The following SIPA1L2 variants were observed in gnomAD, a reference collection of about 807,000 sequenced individuals.
SIPA1L2 encodes signal induced proliferation associated 1 like 2.
A neutral mutation model predicts 163.9 loss-of-function variants in SIPA1L2; 56 were observed. That is an observed-to-expected ratio of 0.34 (90% CI 0.28 to 0.43). The LOEUF (loss-of-function observed/expected upper bound fraction) is 0.43, where lower values mean the gene tolerates loss of function less well. SIPA1L2 is among the 20% of genes least tolerant of loss of function. The pLI, the probability that SIPA1L2 is intolerant of heterozygous loss-of-function variation, is 1.00. For missense variants in SIPA1L2, 1,974 were observed against 2,193.5 expected (o/e 0.90, Z 2.00); for synonymous variants, 877 against 865.7 (o/e 1.01, Z -0.23).
intron 2 of SIPA1L2, among the ~76,000 whole-genome samples, chr1:232,537,832 C>G (rs911559675): frequency 2.6e-5 from 4 of 152,328 alleles, no homozygotes; most frequent in Middle Eastern, 6.8e-3. Flanking sequence ...GCCTCCCATA[C>G]GCAAATGTGT....
rs114298101 is a variant in SIPA1L2, at chr1:232,486,956, C to A, written c.1807-2990G>T. ...GACCAAGGCTTCATTAAATCTCAAG[C>A]TAAGCCTAACATTTAAGTCTATTGC... On this transcript the variant is annotated intron_variant, in intron 5 of 22. Transcript: ENST00000674635. Among the ~76,000 whole-genome samples, 1,120 of 152,344 alleles carry A rather than the reference C, an allele frequency of 7.4e-3. 15 individuals carry two copies. The highest frequency in any genetic ancestry group is 0.025 in the African/African-American group (1,053 of 41,568).
At chr1:232,433,111 T>C (rs532058433) in intron 15 of SIPA1L2, among the ~76,000 whole-genome samples, 1 of 152,262 alleles carries the variant, frequency 6.6e-6, no homozygotes, top group Non-Finnish European at 1.5e-5. Context: ...CAATGTTGAT[T>C]AGAAGCACTG....
chr1:232,405,526 C>T (rs962353517), intron 19 of SIPA1L2, among the ~76,000 whole-genome samples: 7 of 152,208 alleles, frequency 4.6e-5, no homozygotes, highest in Admixed American at 3.3e-4. Flanking sequence ...GGGGCAGAAT[C>T]CTGGCTGGGC....
At chr1:232,489,206 T>C (rs1665801537) in intron 5 of SIPA1L2, among the ~76,000 whole-genome samples, 2 of 152,164 alleles carry the variant, frequency 1.3e-5, no homozygotes, top group Non-Finnish European at 2.9e-5. Context: ...AAGAACTACC[T>C]ACCACATGGG....
chr1:232,580,380 T>C (rs1660311075), intron 1 of SIPA1L2, among the ~76,000 whole-genome samples: 1 of 152,208 alleles, frequency 6.6e-6, no homozygotes, highest in African/African-American at 2.4e-5. Context: ...CTTTGTGACC[T>C]ATATCTTGCG....
At chr1:232,578,525 TCTA>T (rs1385413847) in intron 1 of SIPA1L2, among the ~76,000 whole-genome samples, 1 of 152,236 alleles carries the variant, frequency 6.6e-6, no homozygotes, top group East Asian at 1.9e-4. Context: ...AAGGAAGCTT[TCTA>T]CTCTCATCTA....
chr1:232,479,829 C>T, intron 6 of SIPA1L2, 99 bp from the exon 7 acceptor site: 1 of 997,450 alleles, frequency 1.0e-6, no homozygotes, highest in African/African-American at 1.6e-5. Context: ...AAACAAAAAA[C>T]ACCAAGCTCT....
At chr1:232,520,135 TAC>T (rs1667397650) in intron 2 of SIPA1L2, among the ~76,000 whole-genome samples, 1 of 152,234 alleles carries the variant, frequency 6.6e-6, no homozygotes, top group Non-Finnish European at 1.5e-5. Flanking sequence ...TTTGTCTACA[TAC>T]AGTTTTCTTT....
chr1:232,553,452 G>A (rs142171077), intron 2 of SIPA1L2, among the ~76,000 whole-genome samples: 1,585 of 152,244 alleles, frequency 0.01, 4 homozygotes, highest in Non-Finnish European at 0.018. Flanking sequence ...ACTTAGGGCC[G>A]TGGATTTCCA....
At chr1:232,599,477 A>G (rs1412767381) in intron 1 of SIPA1L2, among the ~76,000 whole-genome samples, 1 of 152,238 alleles carries the variant, frequency 6.6e-6, no homozygotes, top group Non-Finnish European at 1.5e-5. Flanking sequence ...AAGTTGCATC[A>G]TCTTCTGTAC....
intron 1 of SIPA1L2, among the ~76,000 whole-genome samples, chr1:232,624,339 A>C (rs1662966236): frequency 6.6e-6 from 1 of 152,262 alleles, no homozygotes; most frequent in African/African-American, 2.4e-5. Flanking sequence ...TTCAATACGG[A>C]GAGGACAGTA....
chr1:232,576,026 G>A (rs1164737310), intron 1 of SIPA1L2, among the ~76,000 whole-genome samples: 3 of 152,170 alleles, frequency 2.0e-5, no homozygotes, highest in African/African-American at 4.8e-5. Context: ...TTGGGGTGAG[G>A]GGAAATGGGG....
intron 1 of SIPA1L2, among the ~76,000 whole-genome samples, chr1:232,612,136 G>C (rs1194073661): frequency 6.6e-6 from 1 of 152,230 alleles, no homozygotes; most frequent in African/African-American, 2.4e-5. Context: ...CAGAAGTCAA[G>C]AACTGAGGTT....
intron 1 of SIPA1L2, among the ~76,000 whole-genome samples, chr1:232,579,984 A>G (rs1660286989): frequency 6.6e-6 from 1 of 152,218 alleles, no homozygotes; most frequent in Non-Finnish European, 1.5e-5. Context: ...GTAAAGTGAA[A>G]GCAAGTTTAT....
At chr1:232,403,644 G>A (rs1342046674) in intron 20 of SIPA1L2, 73 bp from the exon 21 acceptor site, 2 of 1,507,462 alleles carry the variant, frequency 1.3e-6, no homozygotes, top group African/African-American at 2.8e-5. Context: ...TTGTGGAAAT[G>A]CAATAGCTAA....
intron 10 of SIPA1L2, among the ~76,000 whole-genome samples, chr1:232,448,717 G>A (rs983652441): frequency 6.6e-6 from 1 of 152,220 alleles, no homozygotes; most frequent in Non-Finnish European, 1.5e-5. Context: ...TGCAGGGACG[G>A]TAAGCACCAA....
chr1:232,510,606 G>A (rs1666936947), intron 3 of SIPA1L2, among the ~76,000 whole-genome samples: 1 of 152,210 alleles, frequency 6.6e-6, no homozygotes, highest in Admixed American at 6.5e-5. Flanking sequence ...AGAAAAGGTG[G>A]AGGAAATAAA....
At chr1:232,404,283 A>G in intron 19 of SIPA1L2, 105 bp from the exon 20 acceptor site, 1 of 920,858 alleles carries the variant, frequency 1.1e-6, no homozygotes, top group South Asian at 1.5e-5. Context: ...TGTGTGTGTG[A>G]TGGACCAGGG....
chr1:232,445,622 G>A lies in SIPA1L2; in HGVS notation c.3260C>T (p.Pro1087Leu). The A allele has an allele frequency of 3.7e-6, 6 of 1,613,988 alleles. No individual in the cohort carries two copies. Among genetic ancestry groups the A allele is most frequent in the Non-Finnish European group, 5.1e-6 (6 of 1,179,998 alleles). ...CAGCTGTTGGCACGGCAGCCGGTCG[G>A]GCGTGCCGGGGATGGGGGAAGCTCT... ...LSRASPIPGTPDRLPCQQLLQ... is the reference protein window; with the variant it reads ...LSRASPIPGTLDRLPCQQLLQ... Residue 1087 changes from proline to leucine, a missense_variant, in exon 11 of 23, where the codon CCC becomes CTC. Physicochemically the swap from Pro to Leu is moderately conservative, Grantham distance 98. Transcript: ENST00000674635.
Sources: allele counts gnomAD v4.1 joint callset (sites outside exome capture counted in the v4.1 genomes callset), GRCh38; gene constraint gnomAD v4.1.1; transcripts MANE v1.5; gene names NCBI Gene and HGNC (gene_info 2026-07-23, HGNC 2026-07-21).